OTC: variants seen among roughly 807,000 people sequenced by gnomAD.
OTC encodes ornithine transcarbamylase, mitochondrial.
Under a neutral mutation model 30.3 loss-of-function variants are expected in OTC, and 3 were observed. That is an observed-to-expected ratio of 0.10 (90% CI 0.05 to 0.26). The LOEUF is 0.26. Ranked by LOEUF, OTC falls within the 10% of genes least tolerant of loss-of-function variation. OTC has a pLI of 1.00. For synonymous variants in OTC, 111 were observed against 99.7 expected (o/e 1.11, Z -0.67); for missense variants, 194 against 260.3 (o/e 0.75, Z 1.75).
chrX:38,328,074 G>T, the OTC span, among the ~76,000 whole-genome samples: 1 of 112,388 alleles, frequency 8.9e-6, no homozygotes, highest in African/African-American at 3.2e-5. Flanking sequence ...AGGTGTATAT[G>T]GTCCACTACT....
At chrX:38,352,444 G>T, upstream of OTC, 1 of 361,404 alleles carries the variant, frequency 2.8e-6, no homozygotes, top group Non-Finnish European at 4.9e-6. Context: ...AGGAGGCCAG[G>T]CAATAAAAGA....
At chrX:38,405,369 G>A (rs986488693) in intron 6 of OTC, among the ~76,000 whole-genome samples, 6 of 111,396 alleles carry the variant, frequency 5.4e-5, no homozygotes, top group African/African-American at 9.8e-5. Flanking sequence ...ACACTCCCTC[G>A]GAAGCCTCTC....
chrX:38,414,726 T>C, intron 9 of OTC, among the ~76,000 whole-genome samples: 1 of 112,096 alleles, frequency 8.9e-6, no homozygotes, highest in Admixed American at 9.5e-5. Flanking sequence ...TTGAGAAGGA[T>C]TTTGAGCCTG....
At chrX:38,339,222 C>T in the OTC span, among the ~76,000 whole-genome samples, 1 of 111,679 alleles carries the variant, frequency 9.0e-6, no homozygotes, top group Non-Finnish European at 1.9e-5. Context: ...CCTTTCTGGT[C>T]CTCTGGAGGA....
rs756489555 is a variant in OTC at position 38,405,329 on chromosome X, A to G, written c.663+1589A>G. Among the ~76,000 whole-genome samples the G allele has an allele frequency of 1.8e-3, 200 of 111,830 alleles. 1 individual carries two copies. Among genetic ancestry groups the G allele is most frequent in the Non-Finnish European group, 2.9e-3 (156 of 53,182 alleles). Reference sequence around the variant, plus strand: ...TTACTCTTTCACAGTTTTGGAGACTAGAAGTTTGAAATCAAGGTGTTGACA... The same window carrying G: ...TTACTCTTTCACAGTTTTGGAGACTGGAAGTTTGAAATCAAGGTGTTGACA... On this transcript the variant is annotated intron_variant, in intron 6 of 9. Transcript: ENST00000039007.
At chrX:38,355,953 CAGA>C (rs1200232165) in intron 1 of OTC, among the ~76,000 whole-genome samples, 2 of 106,412 alleles carry the variant, frequency 1.9e-5, no homozygotes, top group East Asian at 5.9e-4. Flanking sequence ...GAGGCTGAGG[CAGA>C]AGAATTGCTT....
At position 38,403,884 on chromosome X, in the gene OTC, T is replaced by G. The variant is rs1002986317; in HGVS notation, c.663+144T>G. On this transcript the variant is annotated intron_variant, in intron 6 of 9. Transcript: ENST00000039007. ...TTAGGTTACGTTACCAGCCCTACTA[T>G]TAAATAGCTATCTGGCCTCTTGAGA... The G allele has an allele frequency of 5.0e-6, 3 of 599,308 alleles. No individual in the cohort carries two copies. In the African/African-American group the frequency reaches 6.6e-5, roughly 13 times the overall value. The allele number at this position is 599,308 out of a possible 1,213,427, so 49.4% of individuals were successfully genotyped here. A position where few individuals can be genotyped will look rare whatever the true frequency, so the allele number is the denominator to read the frequency against.
chrX:38,415,485 C>G (rs1422998534), intron 9 of OTC, among the ~76,000 whole-genome samples: 6 of 111,563 alleles, frequency 5.4e-5, no homozygotes, highest in African/African-American at 2.0e-4. Flanking sequence ...TCCAGACTAC[C>G]CTATCCAATA....
At chrX:38,344,278 C>T in the OTC span, among the ~76,000 whole-genome samples, 30 of 109,687 alleles carry the variant, frequency 2.7e-4, no homozygotes, top group South Asian at 2.4e-3. Flanking sequence ...CACACACACA[C>T]GTGGAGAGAA....
At chrX:38,351,756 T>G (rs1323885247), upstream of OTC, among the ~76,000 whole-genome samples, 1 of 110,428 alleles carries the variant, frequency 9.1e-6, no homozygotes, top group Admixed American at 9.6e-5. Flanking sequence ...TCTTTTCTTT[T>G]TCTTTCTTTC....
downstream of OTC, among the ~76,000 whole-genome samples, chrX:38,422,642 T>G (rs1416129114): frequency 8.9e-6 from 1 of 112,304 alleles, no homozygotes; most frequent in African/African-American, 3.2e-5. Context: ...CTCAAAAAGC[T>G]CTATAGCTTT....
At chrX:38,387,878 A>G (rs2068412088) in intron 4 of OTC, among the ~76,000 whole-genome samples, 2 of 111,292 alleles carry the variant, frequency 1.8e-5, no homozygotes, top group South Asian at 7.6e-4. Context: ...GTGATCCCAA[A>G]TTCCAGACAC....
At chrX:38,331,455 G>GTTTTTTT in the OTC span, among the ~76,000 whole-genome samples, 2 of 23,450 alleles carry the variant, frequency 8.5e-5, no homozygotes, top group Non-Finnish European at 9.1e-5. Context: ...TTTTTTTTTT[G>GTTTTTTT]TTTGTTTTTT....
upstream of OTC, among the ~76,000 whole-genome samples, chrX:38,349,264 T>C (rs917318580): frequency 2.7e-5 from 3 of 111,849 alleles, no homozygotes; most frequent in African/African-American, 6.5e-5. Flanking sequence ...CTGTGGGCAA[T>C]TGAGGTTCAA....
intron 5 of OTC, among the ~76,000 whole-genome samples, chrX:38,402,624 T>C (rs2068495233): frequency 8.9e-6 from 1 of 111,744 alleles, no homozygotes; most frequent in Non-Finnish European, 1.9e-5. Context: ...TTGTCAATTC[T>C]TAACATGATG....
intron 4 of OTC, among the ~76,000 whole-genome samples, chrX:38,389,805 AG>A (rs776275757): frequency 9.2e-6 from 1 of 109,044 alleles, no homozygotes; most frequent in African/African-American, 3.3e-5. Context: ...GATGCTTCTG[AG>A]TCTCAGTTTC....
At chrX:38,381,590 G>C (rs1174132450) in intron 4 of OTC, among the ~76,000 whole-genome samples, 161 bp downstream of exon 4, 1 of 111,400 alleles carries the variant, frequency 9.0e-6, no homozygotes, top group Non-Finnish European at 1.9e-5. Context: ...CCCTCATCCT[G>C]TGGCCACTTT....
At chrX:38,345,243 A>G in the OTC span, among the ~76,000 whole-genome samples, 1 of 111,947 alleles carries the variant, frequency 8.9e-6, no homozygotes, top group African/African-American at 3.3e-5. Context: ...TCTAACCTTC[A>G]AGCTGTCCTT....
At position 38,406,533 on chromosome X, in the gene OTC, G is replaced by A. The variant is rs186082203; in HGVS notation, c.664-2209G>A. Among the ~76,000 whole-genome samples, 7 of 111,622 alleles carry A rather than the reference G, an allele frequency of 6.3e-5. No homozygotes were observed. The East Asian group carries it at 2.0e-3, about 31-fold the overall frequency. On this transcript the variant is annotated intron_variant, in intron 6 of 9. Transcript: ENST00000039007. ...AATTCCTCTCTGTATTCTAAGTCAT[G>A]CCTCAGTGCATGCAAGGTTGGGTGA...
Sources: gnomAD v4.1 joint callset for allele counts (sites outside exome capture counted in the v4.1 genomes callset) on GRCh38, gnomAD v4.1.1 for gene constraint, MANE v1.5 for transcripts, NCBI Gene and HGNC (gene_info 2026-07-23, HGNC 2026-07-21) for gene names.